The following ASTN1 variants were observed in gnomAD, a reference collection of about 807,000 sequenced individuals.
The protein encoded by ASTN1 is astrotactin 1, also known as astrotactin-1.
Under a neutral mutation model 140.7 loss-of-function variants are expected in ASTN1, and 41 were observed. The observed-to-expected ratio is 0.29, with a 90% confidence interval of 0.23 to 0.38. ASTN1 has a LOEUF of 0.38. ASTN1 is among the 10% of genes least tolerant of loss of function. The pLI is 1.00. For missense variants in ASTN1, 1,479 were observed against 1,678.8 expected, an observed-to-expected ratio of 0.88 and a Z score of 2.08; for synonymous variants, 640 against 652.2, an observed-to-expected ratio of 0.98 and a Z score of 0.29.
At chr1:177,050,662 C>T (rs1337369244) in intron 2 of ASTN1, among the ~76,000 whole-genome samples, 1 of 152,164 alleles carries the variant, frequency 6.6e-6, no homozygotes, top group Non-Finnish European at 1.5e-5. Flanking sequence ...CAAACTTTAG[C>T]AGATACTTAA....
intron 8 of ASTN1, among the ~76,000 whole-genome samples, chr1:177,002,302 C>A (rs1374038237): frequency 6.6e-6 from 1 of 151,950 alleles, no homozygotes; most frequent in African/African-American, 2.4e-5. Flanking sequence ...TGGCATCAGA[C>A]CGTTCTGTTC....
chr1:177,000,479 A>G lies in ASTN1; in HGVS notation c.1523+14312T>C, dbSNP rs1179874394. On this transcript the variant is annotated intron_variant, in intron 8 of 22. Coordinates refer to ENST00000361833, the MANE Select transcript of ASTN1 (RefSeq NM_004319.3). ...AAGGAACAAGCTCTATTTAGAAGAGAAGAGCCAGCAGAGACATCATCCTAT... is the reference window on the plus strand; with the variant it reads ...AAGGAACAAGCTCTATTTAGAAGAGGAGAGCCAGCAGAGACATCATCCTAT... Among the ~76,000 whole-genome samples, 3 of 152,208 alleles carry G rather than the reference A, an allele frequency of 2.0e-5. No homozygotes were observed. The East Asian group carries it at 5.8e-4, about 29-fold the overall frequency.
chr1:176,895,386 T>C (rs928076913), intron 16 of ASTN1, among the ~76,000 whole-genome samples: 1 of 152,228 alleles, frequency 6.6e-6, no homozygotes, highest in Non-Finnish European at 1.5e-5. Context: ...CTGCATGGCG[T>C]TCTATCATTA....
Position 176,862,612 on chromosome 1 carries a change from C to G in ASTN1, c.*1672G>C, listed in dbSNP as rs1668005368. On this transcript the variant is annotated 3_prime_UTR_variant, in exon 23 of 23. Transcript: ENST00000361833. Reference sequence around the variant, plus strand: ...GATCCTGTGCCCTGGAGACCAACAGCCTGAAATCACACTGAAACTCAGTGT... The same window carrying G: ...GATCCTGTGCCCTGGAGACCAACAGGCTGAAATCACACTGAAACTCAGTGT... The G allele has an allele frequency of 2.0e-6, 2 of 977,842 alleles. No homozygotes were observed. The highest frequency in any genetic ancestry group is 2.4e-6 in the Non-Finnish European group (2 of 823,124). 60.6% of individuals were successfully genotyped at this position (977,842 alleles called of 1,614,324 possible). A position where few individuals can be genotyped will look rare whatever the true frequency, so the allele number is the denominator to read the frequency against.
Position 177,147,975 on chromosome 1 carries a change from A to T in ASTN1, c.283+16419T>A, listed in dbSNP as rs1682791572. On this transcript the variant is annotated intron_variant, in intron 1 of 22. Transcript: ENST00000361833. ...TATCTTACTACCAGCCTGAGGAAGA[A>T]GCTCACACCCAGAGATCAAAGTCAT... 2.0e-5 allele frequency among the ~76,000 whole-genome samples: 3 copies of T among 152,174 alleles called. No homozygotes were observed. The South Asian group carries it at 6.2e-4, about 32-fold the overall frequency.
At position 176,864,538 on chromosome 1, in the gene ASTN1, G is replaced by C. The variant is rs1235583869; in HGVS notation, c.3648-17C>G. 1 of 1,611,718 alleles carries C rather than the reference G, an allele frequency of 6.2e-7. No individual in the cohort carries two copies. The highest frequency in any genetic ancestry group is 1.7e-5 in the Admixed American group (1 of 59,934). On this transcript the variant is annotated splice_polypyrimidine_tract_variant and intron_variant, in intron 22 of 22. Transcript: ENST00000361833. The stretch of plus-strand genomic sequence containing the variant: ...CCAGCTTTCCTATGGATCAAGCACA[G>C]AGGATACTTAAGTTAGAAAGAAGAG...
intron 1 of ASTN1, among the ~76,000 whole-genome samples, chr1:177,132,875 G>A (rs1682006917): frequency 6.6e-6 from 1 of 152,064 alleles, no homozygotes; most frequent in African/African-American, 2.4e-5. Flanking sequence ...ATGTGTTAAG[G>A]GATACTCATA....
intron 20 of ASTN1, among the ~76,000 whole-genome samples, chr1:176,877,419 C>G (rs887117024): frequency 2.0e-5 from 3 of 152,216 alleles, no homozygotes; most frequent in Admixed American, 6.5e-5. Flanking sequence ...ACAGCTCACT[C>G]TGTTCCTCTG....
In ASTN1 at chr1:177,037,457, A is replaced by G. The variant is rs1015385025; in HGVS notation, c.472-4608T>C. On this transcript the variant is annotated intron_variant, in intron 2 of 22. Coordinates refer to ENST00000361833, the MANE Select transcript of ASTN1 (RefSeq NM_004319.3). ...ATCACACACACAAGGCTTTACAGAG[A>G]GCATACAGAAGTTCTTCACATGCAC... is the stretch of plus-strand genomic sequence containing the variant. Among the ~76,000 whole-genome samples, 13 of 152,354 alleles carry G rather than the reference A, an allele frequency of 8.5e-5. No individual in the cohort carries two copies. The East Asian group carries it at 2.1e-3, about 25-fold the overall frequency.
At chr1:177,111,717 A>G (rs1001364926) in intron 1 of ASTN1, among the ~76,000 whole-genome samples, 2 of 152,206 alleles carry the variant, frequency 1.3e-5, no homozygotes, top group Non-Finnish European at 2.9e-5. Flanking sequence ...TCATCTATGT[A>G]TCACCTCAAT....
intron 16 of ASTN1, among the ~76,000 whole-genome samples, chr1:176,898,921 G>A (rs924820124): frequency 2.0e-5 from 3 of 152,146 alleles, no homozygotes; most frequent in Non-Finnish European, 2.9e-5. Context: ...GAAGAAATAA[G>A]CTACAATTAA....
intron 17 of ASTN1, among the ~76,000 whole-genome samples, 167 bp from the exon 18 acceptor site, chr1:176,888,371 T>C (rs1264772945): frequency 1.3e-5 from 2 of 152,192 alleles, no homozygotes; most frequent in South Asian, 2.1e-4. Context: ...AGATTGTTTC[T>C]GGGAAGCCTG....
intron 5 of ASTN1, 129 bp downstream of exon 5, chr1:177,029,504 CA>C: frequency 1.0e-6 from 1 of 970,866 alleles, no homozygotes; most frequent in Non-Finnish European, 1.6e-6. Flanking sequence ...AGTTGTGGTC[CA>C]AAAATTCTTC....
At chr1:176,869,175 T>C in intron 21 of ASTN1, 148 bp from the exon 22 acceptor site, 1 of 468,440 alleles carries the variant, frequency 2.1e-6, no homozygotes, top group Non-Finnish European at 3.4e-6. Flanking sequence ...TATGCATATA[T>C]ATCATATAGT....
intron 1 of ASTN1, among the ~76,000 whole-genome samples, chr1:177,115,365 T>G (rs2102165408): frequency 6.6e-6 from 1 of 152,208 alleles, no homozygotes; most frequent in South Asian, 2.1e-4. Flanking sequence ...TAAGTTGTGG[T>G]TTTAAATAAT....
intron 2 of ASTN1, among the ~76,000 whole-genome samples, chr1:177,045,200 T>C (rs1169784655): frequency 6.6e-6 from 1 of 152,206 alleles, no homozygotes; most frequent in African/African-American, 2.4e-5. Flanking sequence ...TGGACATTTC[T>C]CAATTAATCC....
intron 1 of ASTN1, among the ~76,000 whole-genome samples, chr1:177,158,809 G>A (rs1303266941): frequency 2.0e-5 from 3 of 151,350 alleles, no homozygotes; most frequent in Middle Eastern, 3.4e-3. Flanking sequence ...TGTAATCCCA[G>A]CACTTTGGGA....
chr1:177,145,614 C>T (rs1366854340), intron 1 of ASTN1, among the ~76,000 whole-genome samples: 1 of 152,144 alleles, frequency 6.6e-6, no homozygotes, highest in Non-Finnish European at 1.5e-5. Flanking sequence ...AGTTCAGGAA[C>T]AAAAACAGAC....
At chr1:177,105,391 T>C (rs566577264) in intron 1 of ASTN1, among the ~76,000 whole-genome samples, 1 of 152,102 alleles carries the variant, frequency 6.6e-6, no homozygotes, top group African/African-American at 2.4e-5. Flanking sequence ...AAATCATGGA[T>C]TTCCCTCACC....
Sources: allele counts gnomAD v4.1 joint callset (sites outside exome capture counted in the v4.1 genomes callset), GRCh38; gene constraint gnomAD v4.1.1; transcripts MANE v1.5; gene names NCBI Gene and HGNC (gene_info 2026-07-23, HGNC 2026-07-21).